Variants in KCNH1 observed in about 807,000 individuals in gnomAD.
KCNH1 encodes the protein potassium voltage-gated channel subfamily H member 1, also known as voltage-gated delayed rectifier potassium channel KCNH1.
A neutral mutation model predicts 69.2 loss-of-function variants in KCNH1; 27 were observed. That is an observed-to-expected ratio of 0.39 (90% CI 0.29 to 0.54). The LOEUF is 0.54. KCNH1 is among the 20% of genes least tolerant of loss of function. The pLI is 0.68. For missense variants in KCNH1, 798 were observed against 1,261.6 expected (o/e 0.63, Z 5.57); for synonymous variants, 456 against 487.7 (o/e 0.93, Z 0.86).
Position 211,100,752 on chromosome 1 carries a change from C to T in KCNH1, c.310+2744G>A, listed in dbSNP as rs182886600. Reference sequence around the variant, plus strand: ...GCAAGGGGTAGAGCTCTGAAAGAGACGCACCCTGTTGGCACGGAAGTCAGT... The same window carrying T: ...GCAAGGGGTAGAGCTCTGAAAGAGATGCACCCTGTTGGCACGGAAGTCAGT... On this transcript the variant is annotated intron_variant, in intron 3 of 10. Coordinates refer to ENST00000271751, the MANE Select transcript of KCNH1 (RefSeq NM_172362.3). 1.4e-3 allele frequency among the ~76,000 whole-genome samples: 217 copies of T among 152,296 alleles called. 1 individual carries two copies. The highest frequency in any genetic ancestry group is 4.7e-3 in the African/African-American group (197 of 41,548).
intron 10 of KCNH1, among the ~76,000 whole-genome samples, chr1:210,694,293 C>T (rs1043782028): frequency 1.3e-5 from 2 of 152,158 alleles, no homozygotes; most frequent in Non-Finnish European, 1.5e-5. Context: ...TGTCCCTTCT[C>T]GGTGCCAGTG....
chr1:211,093,740 C>T (rs1382253792), intron 3 of KCNH1, among the ~76,000 whole-genome samples: 3 of 152,120 alleles, frequency 2.0e-5, no homozygotes, highest in Non-Finnish European at 4.4e-5. Flanking sequence ...CCTCCTTTTT[C>T]GTGATCTGGT....
At chr1:210,684,754 G>A (rs1244119496) in intron 10 of KCNH1, among the ~76,000 whole-genome samples, 1 of 152,220 alleles carries the variant, frequency 6.6e-6, no homozygotes, top group Non-Finnish European at 1.5e-5. Context: ...GTCTTGGGGA[G>A]CTTACAGTAG....
rs1236442938 is a variant in KCNH1, at chr1:210,681,159, G to A, written c.*2122C>T. On this transcript the variant is annotated 3_prime_UTR_variant, in exon 11 of 11. Transcript: ENST00000271751. ...CTAAACTTCAGAAGCAGGTTGAGGA[G>A]CATGTTTAAGAAATGGCAGACTAGA... The A allele has an allele frequency of 6.6e-6, 1 of 152,204 alleles. No homozygotes were observed. The highest frequency in any genetic ancestry group is 2.4e-5 in the African/African-American group (1 of 41,442). The allele number at this position is 152,204 out of a possible 1,614,324, so 9.4% of individuals were successfully genotyped here.
chr1:210,850,262 G>T (rs1373152212), intron 7 of KCNH1, among the ~76,000 whole-genome samples: 1 of 152,088 alleles, frequency 6.6e-6, no homozygotes, highest in Admixed American at 6.6e-5. Flanking sequence ...CTTTTGGGAG[G>T]CTGAGGCAGA....
intron 7 of KCNH1, among the ~76,000 whole-genome samples, chr1:210,855,368 T>C (rs1685810265): frequency 6.6e-6 from 1 of 152,274 alleles, no homozygotes; most frequent in African/African-American, 2.4e-5. Flanking sequence ...CTAAGCAAAA[T>C]TGATTTCCCC....
At chr1:210,711,206 G>T (rs968056482) in intron 10 of KCNH1, among the ~76,000 whole-genome samples, 3 of 152,280 alleles carry the variant, frequency 2.0e-5, no homozygotes, top group Admixed American at 6.5e-5. Flanking sequence ...AGATACTATT[G>T]CTAATATAAA....
intron 7 of KCNH1, among the ~76,000 whole-genome samples, chr1:210,867,366 T>C (rs1245124746): frequency 1.2e-4 from 16 of 133,122 alleles, no homozygotes; most frequent in African/African-American, 3.4e-4. Context: ...CACACACATA[T>C]ATATATATAT....
At chr1:210,951,717 A>G (rs1688066131) in intron 6 of KCNH1, among the ~76,000 whole-genome samples, 1 of 152,160 alleles carries the variant, frequency 6.6e-6, no homozygotes, top group Non-Finnish European at 1.5e-5. Flanking sequence ...TACGATTATT[A>G]TTTATTATAT....
chr1:211,065,391 C>T (rs1311258915), intron 5 of KCNH1, among the ~76,000 whole-genome samples: 1 of 152,096 alleles, frequency 6.6e-6, no homozygotes, highest in Non-Finnish European at 1.5e-5. Context: ...CCCAGAAAGA[C>T]AAATATTGCA....
chr1:211,118,091 T>C (rs973675690), intron 1 of KCNH1, among the ~76,000 whole-genome samples: 2 of 152,198 alleles, frequency 1.3e-5, no homozygotes, highest in African/African-American at 2.4e-5. Flanking sequence ...ATGTGCAGTA[T>C]TAATATTAAA....
chr1:210,806,836 A>AATATATATATATATATATATAT (rs1553346590), intron 7 of KCNH1, among the ~76,000 whole-genome samples: 222 of 85,030 alleles, frequency 2.6e-3, no homozygotes, highest in Middle Eastern at 7.0e-3. Flanking sequence ...AAAAAAAAAA[A>AATATATATATATATATATATAT]ATATATATAT....
chr1:210,947,533 C>A (rs547201107), intron 6 of KCNH1, among the ~76,000 whole-genome samples: 1 of 151,438 alleles, frequency 6.6e-6, no homozygotes, highest in Non-Finnish European at 1.5e-5. Context: ...AGAGATCACG[C>A]CACTGCACTC....
intron 7 of KCNH1, chr1:210,861,397 C>T: frequency 1.3e-6 from 1 of 777,740 alleles, no homozygotes; most frequent in Admixed American, 1.7e-5. Context: ...CAACAAATTC[C>T]TTCAGAAATA....
intron 7 of KCNH1, among the ~76,000 whole-genome samples, chr1:210,816,347 G>A (rs1249777932): frequency 6.6e-6 from 1 of 152,150 alleles, no homozygotes; most frequent in Non-Finnish European, 1.5e-5. Context: ...CTTCTCATCT[G>A]TCGAATAAAA....
In KCNH1 at chr1:210,682,718, CAG is replaced by C. The variant is rs968290506; in HGVS notation, c.*561_*562del. 2 of 153,306 alleles carry C rather than the reference CAG, an allele frequency of 1.3e-5. No individual in the cohort carries two copies. Among genetic ancestry groups the C allele is most frequent in the African/African-American group, 4.8e-5 (2 of 41,568 alleles). The allele number at this position is 153,306 out of a possible 1,614,324, so 9.5% of individuals were successfully genotyped here. On this transcript the variant is annotated 3_prime_UTR_variant, in exon 11 of 11. Coordinates refer to ENST00000271751, the MANE Select transcript of KCNH1 (RefSeq NM_172362.3). The stretch of plus-strand genomic sequence containing the variant: ...TGCTTTTCTGGCCTTAACCATGAGA[CAG>C]AAAGTTTCTGAGCTCTACCCTCCTG...
At chr1:210,771,336 G>A (rs1185519278) in intron 10 of KCNH1, among the ~76,000 whole-genome samples, 2 of 152,168 alleles carry the variant, frequency 1.3e-5, no homozygotes, top group Admixed American at 1.3e-4. Flanking sequence ...AAAATAGCCT[G>A]ATTTTTCCCT....
At chr1:210,895,086 C>G (rs1686835070) in intron 7 of KCNH1, among the ~76,000 whole-genome samples, 1 of 151,666 alleles carries the variant, frequency 6.6e-6, no homozygotes, top group South Asian at 2.1e-4. Flanking sequence ...GATCATTGTC[C>G]TTTGTTACTT....
intron 10 of KCNH1, among the ~76,000 whole-genome samples, chr1:210,716,216 G>A (rs1021306459): frequency 4.6e-5 from 7 of 151,784 alleles, no homozygotes; most frequent in East Asian, 1.9e-4. Flanking sequence ...GGTGGATCAC[G>A]AGGTCAGAAG....
Sources: allele counts gnomAD v4.1 joint callset (sites outside exome capture counted in the v4.1 genomes callset), GRCh38; gene constraint gnomAD v4.1.1; transcripts MANE v1.5; gene names NCBI Gene and HGNC (gene_info 2026-07-23, HGNC 2026-07-21).